Variants in HAO1 observed in about 807,000 individuals in gnomAD.
HAO1 encodes the protein 2-Hydroxyacid oxidase 1.
A neutral mutation model predicts 39.7 loss-of-function variants in HAO1; 34 were observed. That is an observed-to-expected ratio of 0.86 (90% CI 0.65 to 1.14). HAO1 has a LOEUF of 1.14. Ranked by LOEUF, HAO1 falls within the 50% of genes most tolerant of loss-of-function variation. The pLI is 0.00. For missense variants in HAO1, 479 were observed against 464.5 expected (o/e 1.03, Z -0.29); for synonymous variants, 172 against 173.2 (o/e 0.99, Z 0.05).
intron 4 of HAO1, among the ~76,000 whole-genome samples, chr20:7,900,269 G>A (rs915367974): frequency 6.6e-6 from 1 of 152,084 alleles, no homozygotes; most frequent in African/African-American, 2.4e-5. Context: ...TCTGTTAGCA[G>A]CCATCAACAT....
chr20:7,883,555 GA>G lies in HAO1; in HGVS notation c.*37del, dbSNP rs749115251. Reference sequence around the variant, plus strand: ...GTCTCTTTGTCAAGTAATACATGCTGAAAAAAAATAATACAGATGGGAAAAT... The same window carrying G: ...GTCTCTTTGTCAAGTAATACATGCTGAAAAAAATAATACAGATGGGAAAAT... On this transcript the variant is annotated 3_prime_UTR_variant, in exon 8 of 8. Coordinates refer to ENST00000378789, the MANE Select transcript of HAO1 (RefSeq NM_017545.3). 28 of 1,511,458 alleles carry G rather than the reference GA, an allele frequency of 1.9e-5. No individual in the cohort carries two copies. The highest frequency in any genetic ancestry group is 8.4e-5 in the Admixed American group (5 of 59,796). The allele number at this position is 1,511,458 out of a possible 1,614,324, so 93.6% of individuals were successfully genotyped here. A position where few individuals can be genotyped will look rare whatever the true frequency, so the allele number is the denominator to read the frequency against.
chr20:7,894,373 G>C (rs1026650265), intron 5 of HAO1, among the ~76,000 whole-genome samples: 7 of 152,056 alleles, frequency 4.6e-5, no homozygotes, highest in Middle Eastern at 3.2e-3. Context: ...TCTAGATTTT[G>C]GACTCTGATT....
chr20:7,927,987 T>C (rs376574333), intron 2 of HAO1, among the ~76,000 whole-genome samples: 7 of 152,222 alleles, frequency 4.6e-5, no homozygotes, highest in African/African-American at 1.7e-4. Flanking sequence ...TAAAGATAGA[T>C]GAATAAATAA....
intron 2 of HAO1, among the ~76,000 whole-genome samples, chr20:7,923,093 A>G (rs985368565): frequency 6.6e-5 from 10 of 152,128 alleles, no homozygotes; most frequent in African/African-American, 1.7e-4. Context: ...CTGCCATTCA[A>G]TAGAGGGTTG....
At chr20:7,905,755 C>T (rs953614251) in intron 4 of HAO1, among the ~76,000 whole-genome samples, 3 of 152,132 alleles carry the variant, frequency 2.0e-5, no homozygotes, top group Admixed American at 2.0e-4. Context: ...AGAGTAAAAG[C>T]TCTTAAAACA....
rs143166500 is a variant in HAO1, at chr20:7,914,209, C to T, written c.500G>A (p.Arg167His). 3.4e-5 allele frequency: 55 copies of T among 1,613,952 alleles called. No homozygotes were observed. Among genetic ancestry groups the T allele is most frequent in the East Asian group, 6.7e-5 (3 of 44,864 alleles). Reference protein sequence around the residue: ...VTVDTPYLGNRLDDVRNRFKL... With the variant: ...VTVDTPYLGNHLDDVRNRFKL... ...GAATCTGTTACGCACATCATCCAGA[C>T]GGTTGCCCAGGTAAGGTGTGTCCAC... is the stretch of plus-strand genomic sequence containing the variant. Residue 167 changes from arginine to histidine, a missense_variant, in exon 3 of 8, where the codon CGT (arginine) becomes CAT (histidine). Coordinates refer to ENST00000378789, the MANE Select transcript of HAO1 (RefSeq NM_017545.3).
rs753001525 is a variant in HAO1, at chr20:7,940,456, G to C, written c.-34C>G. On this transcript the variant is annotated 5_prime_UTR_variant, in exon 1 of 8. Coordinates refer to ENST00000378789, the MANE Select transcript of HAO1 (RefSeq NM_017545.3). The stretch of plus-strand genomic sequence containing the variant: ...GTTATTGCTATCCCAGATGGAGTTC[G>C]TTGTTTTTTTTTTTTTAATGTATTG... 3 of 1,535,812 alleles carry C rather than the reference G, an allele frequency of 2.0e-6. No homozygotes were observed. The highest frequency in any genetic ancestry group is 1.5e-5 in the African/African-American group (1 of 68,196).
intron 2 of HAO1, among the ~76,000 whole-genome samples, chr20:7,917,556 C>T (rs1028263835): frequency 7.2e-5 from 11 of 152,072 alleles, no homozygotes; most frequent in Admixed American, 2.0e-4. Context: ...GTAGGTTTGC[C>T]ATGTGCATGA....
At chr20:7,909,023 T>C (rs2050262918) in intron 3 of HAO1, among the ~76,000 whole-genome samples, 1 of 152,054 alleles carries the variant, frequency 6.6e-6, no homozygotes, top group East Asian at 1.9e-4. Flanking sequence ...GTGTATGTAG[T>C]CTGCATGGCA....
intron 3 of HAO1, among the ~76,000 whole-genome samples, chr20:7,913,898 T>C (rs1434323612): frequency 1.3e-5 from 2 of 152,198 alleles, no homozygotes; most frequent in East Asian, 1.9e-4. Context: ...TTGGGCAAAA[T>C]TCAGTATCTT....
At chr20:7,885,625 C>T (rs748190483) in intron 6 of HAO1, 35 bp from the exon 7 acceptor site, 18 of 1,561,162 alleles carry the variant, frequency 1.2e-5, no homozygotes, top group South Asian at 1.1e-4. Flanking sequence ...TGATTCAGAA[C>T]TAAATCAGTC....
intron 4 of HAO1, among the ~76,000 whole-genome samples, chr20:7,900,646 T>C (rs2050217459): frequency 6.6e-6 from 1 of 152,146 alleles, no homozygotes. Context: ...CTCCACTCAC[T>C]GGCCATTCGC....
In HAO1 at chr20:7,885,730, T is replaced by C; in HGVS notation, c.948A>G (p.Pro316=). 6.2e-7 allele frequency: 1 copy of C among 1,613,604 alleles called. No individual in the cohort carries two copies. The highest frequency in any genetic ancestry group is 1.1e-5 in the South Asian group (1 of 91,040). The change falls in exon 6 of 8, where the codon CCA becomes CCG. Residue 316 remains proline, a synonymous_variant. Coordinates refer to ENST00000378789, the MANE Select transcript of HAO1 (RefSeq NM_017545.3). The part of the protein sequence containing the change: ...LGAKAVFVGR[P]IVWGLAFQGE... ...CCTGGAAAGCTAAGCCCCAAACGATTGGTCTCCCCACAAACACAGCCTTGG... is the reference window on the plus strand; with the variant it reads ...CCTGGAAAGCTAAGCCCCAAACGATCGGTCTCCCCACAAACACAGCCTTGG...
intron 1 of HAO1, among the ~76,000 whole-genome samples, chr20:7,939,445 C>A (rs966067593): frequency 6.6e-6 from 1 of 152,118 alleles, no homozygotes; most frequent in Admixed American, 6.5e-5. Context: ...AAGGCTAATT[C>A]TCTCCCCCTG....
Position 7,883,464 on chromosome 20 carries a change from T to C in HAO1, c.*129A>G. Reference sequence around the variant, plus strand: ...GAAATAAAAGGGATTGCTATTTTGTTGGAAAAGAACGACACCCTTTGTATT... The same window carrying C: ...GAAATAAAAGGGATTGCTATTTTGTCGGAAAAGAACGACACCCTTTGTATT... On this transcript the variant is annotated 3_prime_UTR_variant, in exon 8 of 8. Transcript: ENST00000378789. The C allele has an allele frequency of 1.4e-6, 1 of 716,060 alleles. No homozygotes were observed. Among genetic ancestry groups the C allele is most frequent in the Non-Finnish European group, 2.5e-6 (1 of 399,332 alleles). 44.4% of individuals were successfully genotyped at this position (716,060 alleles called of 1,614,324 possible).
intron 2 of HAO1, among the ~76,000 whole-genome samples, chr20:7,926,922 G>A (rs2050361871): frequency 6.6e-6 from 1 of 151,676 alleles, no homozygotes; most frequent in Non-Finnish European, 1.5e-5. Context: ...TTCCTGGAAC[G>A]CATTAGGTAG....
intron 2 of HAO1, among the ~76,000 whole-genome samples, chr20:7,922,134 C>A (rs2122785885): frequency 6.6e-6 from 1 of 152,054 alleles, no homozygotes; most frequent in South Asian, 2.1e-4. Context: ...AAAAAATTGG[C>A]AAAGGATCTG....
intron 3 of HAO1, among the ~76,000 whole-genome samples, chr20:7,910,755 G>A (rs1049560928): frequency 1.1e-4 from 16 of 152,068 alleles, no homozygotes; most frequent in Admixed American, 1.3e-4. Context: ...ACAGGTTCCC[G>A]GGATTCACTC....
chr20:7,883,570 A>G lies in HAO1; in HGVS notation c.*23T>C. On this transcript the variant is annotated 3_prime_UTR_variant, in exon 8 of 8. Transcript: ENST00000378789. ...AATACATGCTGAAAAAAAATAATAC[A>G]GATGGGAAAATATTGTGCACTGTCA... The G allele has an allele frequency of 6.3e-7, 1 of 1,579,742 alleles. No individual in the cohort carries two copies. The highest frequency in any genetic ancestry group is 1.1e-5 in the South Asian group (1 of 90,396).
Sources: allele counts gnomAD v4.1 joint callset (sites outside exome capture counted in the v4.1 genomes callset), GRCh38; gene constraint gnomAD v4.1.1; transcripts MANE v1.5; gene names NCBI Gene and HGNC (gene_info 2026-07-23, HGNC 2026-07-21).